The following PHACTR1 variants were observed in gnomAD, a reference collection of about 807,000 sequenced individuals.
The protein encoded by PHACTR1 is phosphatase and actin regulator 1.
In PHACTR1, 16 loss-of-function variants were observed where a neutral mutation model predicts 69.2. The ratio of observed to expected loss-of-function variants is 0.23; its 90% CI spans 0.16 to 0.35. The LOEUF is 0.35. Ranked by LOEUF, PHACTR1 falls within the 10% of genes least tolerant of loss-of-function variation. The pLI, the probability that PHACTR1 is intolerant of heterozygous loss-of-function variation, is 1.00. For synonymous variants in PHACTR1, 312 were observed against 284.5 expected (o/e 1.10, Z -0.97); for missense variants, 510 against 734.7 (o/e 0.69, Z 3.54).
At chr6:13,068,822 G>A (rs995515036) in intron 5 of PHACTR1, among the ~76,000 whole-genome samples, 3 of 152,178 alleles carry the variant, frequency 2.0e-5, no homozygotes, top group Non-Finnish European at 4.4e-5. Flanking sequence ...GGGAGGGAAG[G>A]TGAGCACAGT....
At chr6:13,244,050 T>A (rs1373019641) in intron 10 of PHACTR1, among the ~76,000 whole-genome samples, 1 of 152,192 alleles carries the variant, frequency 6.6e-6, no homozygotes, top group Non-Finnish European at 1.5e-5. Flanking sequence ...TAGGTTCTTT[T>A]CTAGTTTCCC....
intron 3 of PHACTR1, among the ~76,000 whole-genome samples, chr6:12,734,355 C>CTTAA (rs1277406437): frequency 6.6e-6 from 1 of 152,130 alleles, no homozygotes; most frequent in Non-Finnish European, 1.5e-5. Context: ...TAATAATAGT[C>CTTAA]TTAACATAAT....
chr6:13,151,282 G>A (rs974459325), intron 5 of PHACTR1, among the ~76,000 whole-genome samples: 6 of 152,156 alleles, frequency 3.9e-5, no homozygotes, highest in Non-Finnish European at 2.9e-5. Flanking sequence ...ATCTAAATAA[G>A]TTTCTGCTCT....
chr6:12,819,502 G>A (rs1007581890), intron 4 of PHACTR1, among the ~76,000 whole-genome samples: 1 of 152,030 alleles, frequency 6.6e-6, no homozygotes, highest in African/African-American at 2.4e-5. Context: ...AAAGCCGGGG[G>A]TTCTTCTCAA....
At chr6:12,896,663 G>C (rs1294765163) in intron 4 of PHACTR1, among the ~76,000 whole-genome samples, 1 of 152,234 alleles carries the variant, frequency 6.6e-6, no homozygotes, top group Admixed American at 6.5e-5. Context: ...AAACAGCAGA[G>C]AAACATTCTC....
At chr6:12,973,750 C>G in intron 4 of PHACTR1, among the ~76,000 whole-genome samples, 1 of 152,058 alleles carries the variant, frequency 6.6e-6, no homozygotes, top group Non-Finnish European at 1.5e-5. Context: ...CATGAGACAG[C>G]CTTGACTGTT....
chr6:12,979,549 C>T (rs571814028), intron 4 of PHACTR1, among the ~76,000 whole-genome samples: 2 of 152,076 alleles, frequency 1.3e-5, no homozygotes, highest in Admixed American at 6.5e-5. Flanking sequence ...GGTGGCACAC[C>T]CAATTAGAAT....
rs556650623 is a variant in PHACTR1, at chr6:13,032,323, A to G, written c.251-21042A>G. On this transcript the variant is annotated intron_variant, in intron 4 of 14. Transcript: ENST00000332995. Reference sequence around the variant, plus strand: ...TATTTATTTTATTCAGAGTCTGTTTATATGTAATAATGTGCTTTTATTCTC... The same window carrying G: ...TATTTATTTTATTCAGAGTCTGTTTGTATGTAATAATGTGCTTTTATTCTC... Among the ~76,000 whole-genome samples the G allele has an allele frequency of 8.5e-5, 13 of 152,340 alleles. 1 individual carries two copies. The South Asian group carries it at 2.7e-3, about 32-fold the overall frequency.
intron 7 of PHACTR1, among the ~76,000 whole-genome samples, chr6:13,182,945 G>A (rs920173855): frequency 2.0e-5 from 3 of 151,992 alleles, no homozygotes; most frequent in African/African-American, 7.3e-5. Context: ...GCTTATTTTT[G>A]TAACATTAAT....
chr6:13,051,839 C>T (rs1408468979), intron 4 of PHACTR1, among the ~76,000 whole-genome samples: 1 of 152,178 alleles, frequency 6.6e-6, no homozygotes, highest in Non-Finnish European at 1.5e-5. Flanking sequence ...TCCTGTGTGT[C>T]TTCCCCAGAA....
At chr6:12,880,330 G>A (rs1428114790) in intron 4 of PHACTR1, among the ~76,000 whole-genome samples, 3 of 150,440 alleles carry the variant, frequency 2.0e-5, no homozygotes, top group Non-Finnish European at 2.9e-5. Flanking sequence ...TGGCTCAAAC[G>A]ATCCTCCCAC....
intron 5 of PHACTR1, among the ~76,000 whole-genome samples, chr6:13,140,267 G>A (rs1235924308): frequency 6.6e-6 from 1 of 152,118 alleles, no homozygotes; most frequent in African/African-American, 2.4e-5. Context: ...ATATAACCCA[G>A]CAATTCCACT....
At chr6:12,916,896 G>A (rs780230132) in intron 4 of PHACTR1, among the ~76,000 whole-genome samples, 26 of 152,120 alleles carry the variant, frequency 1.7e-4, no homozygotes, top group Non-Finnish European at 2.6e-4. Flanking sequence ...CTCTTGAGTA[G>A]AATAAATTGT....
chr6:13,211,115 GTTTATT>G (rs1049198443), intron 8 of PHACTR1, among the ~76,000 whole-genome samples: 1 of 151,766 alleles, frequency 6.6e-6, no homozygotes, highest in Non-Finnish European at 1.5e-5. Context: ...CTTTTTATTT[GTTTATT>G]TTTATTTTTA....
chr6:12,935,649 G>A lies in PHACTR1; in HGVS notation c.251-117716G>A, dbSNP rs569426678. On this transcript the variant is annotated intron_variant, in intron 4 of 14. Transcript: ENST00000332995. Reference sequence around the variant, plus strand: ...CCCACGTGTGTGTGTGTGTGTATGTGTGTATGTAAATGTATGTTTTGGGGT... The same window carrying A: ...CCCACGTGTGTGTGTGTGTGTATGTATGTATGTAAATGTATGTTTTGGGGT... 1.6e-4 allele frequency among the ~76,000 whole-genome samples: 24 copies of A among 150,010 alleles called. No individual in the cohort carries two copies. The South Asian group carries it at 2.7e-3, about 17-fold the overall frequency.
intron 4 of PHACTR1, among the ~76,000 whole-genome samples, chr6:12,901,688 G>T (rs560720131): frequency 6.6e-6 from 1 of 152,116 alleles, no homozygotes; most frequent in East Asian, 1.9e-4. Flanking sequence ...TAGAAACGGG[G>T]TTTCACCATG....
intron 4 of PHACTR1, among the ~76,000 whole-genome samples, chr6:12,966,464 T>TC (rs1793518311): frequency 6.6e-6 from 1 of 152,222 alleles, no homozygotes; most frequent in Non-Finnish European, 1.5e-5. Flanking sequence ...CTGGTTGTGA[T>TC]CACAGTGAGA....
chr6:12,764,235 A>G lies in PHACTR1; in HGVS notation c.250+14445A>G, dbSNP rs76764754. 5.4e-3 allele frequency among the ~76,000 whole-genome samples: 819 copies of G among 152,342 alleles called. 8 individuals carry two copies. Among genetic ancestry groups the G allele is most frequent in the African/African-American group, 0.019 (772 of 41,582 alleles). On this transcript the variant is annotated intron_variant, in intron 4 of 14. Coordinates refer to ENST00000332995, the MANE Select transcript of PHACTR1 (RefSeq NM_030948.6). ...GTGCATTGATTCAAGTTTTTAATGC[A>G]TTTGCTGCACACAAAGTATTGTGGA...
chr6:12,750,223 C>T (rs765529898), intron 4 of PHACTR1, among the ~76,000 whole-genome samples: 1 of 152,106 alleles, frequency 6.6e-6, no homozygotes, highest in African/African-American at 2.4e-5. Context: ...GCCGCCGCTG[C>T]GGTGTTGGAG....
Sources: gnomAD v4.1 joint callset for allele counts (sites outside exome capture counted in the v4.1 genomes callset) on GRCh38, gnomAD v4.1.1 for gene constraint, MANE v1.5 for transcripts, NCBI Gene and HGNC (gene_info 2026-07-23, HGNC 2026-07-21) for gene names.